Variants in BRD4 observed in about 807,000 individuals in gnomAD.
BRD4 encodes the protein bromodomain-containing protein 4.
In BRD4, 16 loss-of-function variants were observed where a neutral mutation model predicts 142.1. The observed-to-expected ratio is 0.11, with a 90% CI of 0.08 to 0.17. The LOEUF (loss-of-function observed/expected upper bound fraction) is 0.17. Among genes scored for constraint, BRD4 ranks in the 10% least tolerant of loss-of-function variants. The pLI is 1.00. For missense variants in BRD4, 1,424 were observed against 1,810.9 expected (o/e 0.79, Z 3.88); for synonymous variants, 833 against 707.5 (o/e 1.18, Z -2.82).
In BRD4 at chr19:15,239,214, A is replaced by T; in HGVS notation, c.3627T>A (p.His1209Gln). 1 of 1,612,984 alleles carries T rather than the reference A, an allele frequency of 6.2e-7. No individual in the cohort carries two copies. Among genetic ancestry groups the T allele is most frequent in the Non-Finnish European group, 8.5e-7 (1 of 1,180,004 alleles). ...MGSWASLVQK[H>Q]PTTPSSTAKS... ...TGGCTGTGGAGGAGGGGGTGGTCGG[A>T]TGCTTCTGCACTAGGCTGGCCCAGG... Residue 1209 changes from histidine to glutamine, a missense_variant, in exon 18 of 20, where the codon CAT becomes CAA. Physicochemically the swap from His to Gln is conservative, Grantham distance 24. Transcript: ENST00000679869. This position sits in a 1 kb window ranked among gnomAD's most constrained non-coding sequence, Gnocchi z 7.4.
rs1197686424 is a variant in BRD4, at chr19:15,238,493, T to G, written c.4021-48A>C. ...AGTCAGGAGGATGACCTAGCCACCC[T>G]GCAGCTACAAGCCCTCATACCCGCT... On this transcript the variant is annotated intron_variant, in intron 19 of 19. Coordinates refer to ENST00000679869, the MANE Select transcript of BRD4 (RefSeq NM_001379291.1). The surrounding 1 kb of genome is among the most constrained non-coding windows in gnomAD (Gnocchi z 7.2). 1 of 1,612,574 alleles carries G rather than the reference T, an allele frequency of 6.2e-7. No homozygotes were observed. The highest frequency in any genetic ancestry group is 2.2e-5 in the East Asian group (1 of 44,888).
intron 11 of BRD4, among the ~76,000 whole-genome samples, chr19:15,249,822 G>C (rs1453381276): frequency 1.3e-5 from 2 of 152,128 alleles, no homozygotes; most frequent in Non-Finnish European, 2.9e-5. Flanking sequence ...AGGACCCCCA[G>C]TGGAGGGGAA....
chr19:15,245,418 T>C (rs564778286), intron 11 of BRD4, among the ~76,000 whole-genome samples: 5 of 152,198 alleles, frequency 3.3e-5, no homozygotes, highest in Admixed American at 3.3e-4. Flanking sequence ...CTCCTGGGAA[T>C]GACCAGCTAC....
chr19:15,264,006 T>G (rs2047503108), intron 6 of BRD4: 1 of 235,520 alleles, frequency 4.2e-6, no homozygotes, highest in Non-Finnish European at 8.3e-6. Context: ...TGTCGGCACT[T>G]ACAGCGTGCC....
At chr19:15,331,016 G>A (rs1184655757) in intron 1 of BRD4, among the ~76,000 whole-genome samples, 4 of 152,088 alleles carry the variant, frequency 2.6e-5, no homozygotes, top group African/African-American at 9.7e-5. Context: ...CCTGTCGAAG[G>A]TAAGCAAAGA....
At chr19:15,263,850 T>C (rs2047501257) in intron 6 of BRD4, among the ~76,000 whole-genome samples, 1 of 152,146 alleles carries the variant, frequency 6.6e-6, no homozygotes, top group Admixed American at 6.5e-5. Flanking sequence ...GCCCAGCTCA[T>C]CGTGATGACA....
chr19:15,267,588 C>T (rs1431742498), intron 3 of BRD4, 37 bp from the exon 4 acceptor site: 1 of 1,604,170 alleles, frequency 6.2e-7, no homozygotes, highest in Non-Finnish European at 8.5e-7. Flanking sequence ...TCAGAGGGCC[C>T]TCCCCTCCCC....
chr19:15,263,354 G>C (rs2047495039), intron 7 of BRD4, 66 bp downstream of exon 7: 1 of 1,557,786 alleles, frequency 6.4e-7, no homozygotes, highest in Admixed American at 1.9e-5. Flanking sequence ...AAGGCCCACA[G>C]AAGTCTGCTC....
chr19:15,321,852 AT>A, intron 1 of BRD4, among the ~76,000 whole-genome samples: 1 of 152,146 alleles, frequency 6.6e-6, no homozygotes, highest in Non-Finnish European at 1.5e-5. Context: ...TCACCACTCC[AT>A]GCTTCTCCAA....
At position 15,332,491 on chromosome 19, in the gene BRD4, C is replaced by G. The variant is rs1026345486; in HGVS notation, c.-236G>C. The G allele has an allele frequency of 6.5e-6, 1 of 152,864 alleles. No homozygotes were observed. Among genetic ancestry groups the G allele is most frequent in the African/African-American group, 2.8e-5 (1 of 35,290 alleles). 9.5% of individuals were successfully genotyped at this position (152,864 alleles called of 1,614,324 possible). ...GCTCCTCGGCTGCGGGAGACCAGAA[C>G]AAACAGCCCAGCCGCCGCCGCCGCC... On this transcript the variant is annotated 5_prime_UTR_variant, in exon 1 of 20. Transcript: ENST00000679869.
At chr19:15,314,338 A>G (rs1026166021) in intron 1 of BRD4, among the ~76,000 whole-genome samples, 5 of 152,218 alleles carry the variant, frequency 3.3e-5, no homozygotes, top group African/African-American at 1.2e-4. Context: ...ACTATTAAAC[A>G]TGATACTTAT....
chr19:15,300,652 A>G (rs557677512), intron 1 of BRD4, among the ~76,000 whole-genome samples: 10 of 152,146 alleles, frequency 6.6e-5, no homozygotes, highest in South Asian at 2.1e-4. Flanking sequence ...CAAAAAAAAA[A>G]AGAAAGAAAA....
At chr19:15,329,255 C>T (rs2048136486) in intron 1 of BRD4, among the ~76,000 whole-genome samples, 1 of 152,148 alleles carries the variant, frequency 6.6e-6, no homozygotes, top group South Asian at 2.1e-4. Flanking sequence ...CAATGACAAG[C>T]TTATCTTTCC....
intron 13 of BRD4, 29 bp downstream of exon 13, chr19:15,244,201 CA>C (rs781362892): frequency 6.5e-7 from 1 of 1,541,126 alleles, no homozygotes; most frequent in South Asian, 1.2e-5. Flanking sequence ...GAAGGGGTCT[CA>C]ACCCACACTG....
At chr19:15,278,560 A>G (rs975401403) in intron 1 of BRD4, among the ~76,000 whole-genome samples, 65 of 151,422 alleles carry the variant, frequency 4.3e-4, no homozygotes, top group Non-Finnish European at 7.8e-4. Context: ...AAAAAAAAAA[A>G]AAAAGAAATA....
intron 1 of BRD4, among the ~76,000 whole-genome samples, chr19:15,304,423 T>A (rs756152916): frequency 6.6e-6 from 1 of 152,174 alleles, no homozygotes; most frequent in Non-Finnish European, 1.5e-5. Context: ...TAAAACACAT[T>A]TTTATGCTTT....
rs755100528 is a variant in BRD4, at chr19:15,244,272, G to C, written c.2540C>G (p.Thr847Ser). The C allele has an allele frequency of 1.9e-6, 3 of 1,587,274 alleles. No homozygotes were observed. Among genetic ancestry groups the C allele is most frequent in the Admixed American group, 1.8e-5 (1 of 55,460 alleles). The change falls in exon 13 of 20, where the codon ACT becomes AGT. Residue 847 changes from threonine to serine, a missense_variant. This residue lies in a region of BRD4 where 598 missense variants were observed against 647.8 expected (regional missense o/e 0.92). Transcript: ENST00000679869. ...TGCGTGCTGGTTGAGATGGGGTGGA[G>C]TGCTGTGCTCAGGCGGCTGGGGCAG... ...PHLPQPPEHS[T>S]PPHLNQHAVV...
chr19:15,241,820 T>C (rs934065101), intron 14 of BRD4, among the ~76,000 whole-genome samples: 1 of 148,274 alleles, frequency 6.7e-6, no homozygotes, highest in Non-Finnish European at 1.5e-5. Flanking sequence ...TTTTTTTTTT[T>C]TTTTTTTTTT....
Position 15,243,381 on chromosome 19 carries a change from T to C in BRD4, c.2688A>G (p.Gln896=). 6.6e-7 allele frequency: 1 copy of C among 1,523,398 alleles called. No homozygotes were observed. The highest frequency in any genetic ancestry group is 1.3e-5 in the South Asian group (1 of 76,272). 94.4% of individuals were successfully genotyped at this position (1,523,398 alleles called of 1,614,324 possible). ...RPPAVSPALT[Q]TPLLPQPPMA... Reference sequence around the variant, plus strand: ...TGGGGGGCTGTGGGAGCAGGGGTGTTTGGGTCAAGGCTGGTGACACGGCTG... The same window carrying C: ...TGGGGGGCTGTGGGAGCAGGGGTGTCTGGGTCAAGGCTGGTGACACGGCTG... Residue 896 remains glutamine (Q), a synonymous_variant, in exon 14 of 20, where the codon CAA becomes CAG. Coordinates refer to ENST00000679869, the MANE Select transcript of BRD4 (RefSeq NM_001379291.1).
Sources: gnomAD v4.1 joint callset for allele counts (sites outside exome capture counted in the v4.1 genomes callset) on GRCh38, gnomAD v4.1.1 for gene constraint, gnomAD v4.1.1 regional missense constraint, Gnocchi (gnomAD v3.1) non-coding constraint, MANE v1.5 for transcripts, NCBI Gene and HGNC (gene_info 2026-07-23, HGNC 2026-07-21) for gene names.